Variants in POLA1 observed in about 807,000 individuals in gnomAD.
The protein encoded by POLA1 is DNA polymerase alpha 1, catalytic subunit.
POLA1 carries 15 observed loss-of-function variants against 124.0 expected under a neutral mutation model. The ratio of observed to expected loss-of-function variants is 0.12; its 90% CI spans 0.08 to 0.19. The LOEUF (loss-of-function observed/expected upper bound fraction) is 0.19. Ranked by LOEUF, POLA1 falls within the 10% of genes least tolerant of loss-of-function variation. The pLI is 1.00. For synonymous variants in POLA1, 408 were observed against 389.4 expected (o/e 1.05, Z -0.56); for missense variants, 886 against 1,103.4 (o/e 0.80, Z 2.79).
intron 34 of POLA1, among the ~76,000 whole-genome samples, chrX:24,844,459 A>G (rs756702488): frequency 9.3e-6 from 1 of 107,352 alleles, no homozygotes; most frequent in Non-Finnish European, 1.9e-5. Context: ...TTTAAAAGCT[A>G]CATTGGCAAC....
At chrX:24,808,769 G>C (rs1239731848) in intron 26 of POLA1, among the ~76,000 whole-genome samples, 2 of 112,194 alleles carry the variant, frequency 1.8e-5, no homozygotes, top group African/African-American at 6.5e-5. Flanking sequence ...GATTTACAAA[G>C]CTCTGTAATA....
intron 34 of POLA1, among the ~76,000 whole-genome samples, chrX:24,879,418 A>G (rs1353707181): frequency 8.9e-6 from 1 of 112,205 alleles, no homozygotes; most frequent in Non-Finnish European, 1.9e-5. Flanking sequence ...ATTTTCTGAA[A>G]AGATTTGTAA....
chrX:24,870,684 T>A (rs921113591), intron 34 of POLA1, among the ~76,000 whole-genome samples: 1 of 111,518 alleles, frequency 9.0e-6, no homozygotes, highest in African/African-American at 3.3e-5. Context: ...TAACAGCATC[T>A]CCTAAGCCCT....
chrX:24,815,038 A>T lies in POLA1; in HGVS notation c.3356A>T (p.Gln1119Leu). 1 of 1,200,229 alleles carries T rather than the reference A, an allele frequency of 8.3e-7. No homozygotes were observed. The highest frequency in any genetic ancestry group is 2.2e-5 in the Admixed American group (1 of 45,375). ...CGGGACACTATAGTGGAAAACATTC[A>T]GAAGAGGCTGATAGAAATTGGAGAA... ...QSRDTIVENI[Q>L]KRLIEIGENV... Residue 1119 changes from glutamine to leucine, a missense_variant, in exon 30 of 37, where the codon CAG becomes CTG. This residue lies in a region of POLA1 where 313 missense variants were observed against 359.7 expected (regional missense o/e 0.87). Transcript: ENST00000379068.
intron 12 of POLA1, among the ~76,000 whole-genome samples, chrX:24,725,191 C>CTTTTT (rs757657562): frequency 1.1e-5 from 1 of 89,022 alleles, no homozygotes; most frequent in Non-Finnish European, 2.2e-5. Flanking sequence ...TGAATGACTA[C>CTTTTT]TTTTTTTTTT....
At chrX:24,970,388 G>A (rs1441865330) in intron 36 of POLA1, among the ~76,000 whole-genome samples, 3 of 112,043 alleles carry the variant, frequency 2.7e-5, no homozygotes, top group Non-Finnish European at 5.6e-5. Context: ...CCTGGACATA[G>A]GAACAGGCAA....
At chrX:24,794,873 T>A (rs759429416) in intron 26 of POLA1, among the ~76,000 whole-genome samples, 4 of 111,052 alleles carry the variant, frequency 3.6e-5, no homozygotes, top group East Asian at 5.7e-4. Flanking sequence ...ATTTTTTTTT[T>A]TAAAAGTGTT....
At chrX:24,697,303 T>C (rs1928079259) in intron 1 of POLA1, among the ~76,000 whole-genome samples, 1 of 111,351 alleles carries the variant, frequency 9.0e-6, no homozygotes, top group African/African-American at 3.3e-5. Flanking sequence ...TTTGAAGACC[T>C]ACAGATGTCA....
chrX:24,963,361 C>G (rs1024422323), intron 36 of POLA1, among the ~76,000 whole-genome samples: 4 of 111,678 alleles, frequency 3.6e-5, no homozygotes, highest in Non-Finnish European at 7.5e-5. Flanking sequence ...TGTAAGTGAT[C>G]GTCTTAAAAG....
At chrX:24,863,750 C>A (rs1433298738) in intron 34 of POLA1, among the ~76,000 whole-genome samples, 4 of 111,284 alleles carry the variant, frequency 3.6e-5, no homozygotes, top group Non-Finnish European at 7.5e-5. Context: ...CAGTCTCTTG[C>A]TGGGCTCTCT....
At chrX:24,747,180 T>C (rs1221618078) in intron 24 of POLA1, among the ~76,000 whole-genome samples, 1 of 110,244 alleles carries the variant, frequency 9.1e-6, no homozygotes, top group Admixed American at 9.6e-5. Flanking sequence ...TCTTTTTTTT[T>C]TGGAGATGGA....
At chrX:24,863,259 C>CG (rs1556010619) in intron 34 of POLA1, among the ~76,000 whole-genome samples, 6 of 37,474 alleles carry the variant, frequency 1.6e-4, no homozygotes, top group African/African-American at 8.5e-4. Flanking sequence ...GAAGAGTATG[C>CG]CCCCCCCCAT....
At chrX:24,875,315 A>G (rs769248448) in intron 34 of POLA1, among the ~76,000 whole-genome samples, 13 of 111,838 alleles carry the variant, frequency 1.2e-4, no homozygotes, top group Non-Finnish European at 2.3e-4. Context: ...AAGATCTATC[A>G]TCAATTCTAT....
chrX:24,780,680 ATGAATACTTTATTTT>A (rs1392275029), intron 26 of POLA1, among the ~76,000 whole-genome samples: 1 of 112,080 alleles, frequency 8.9e-6, no homozygotes, highest in Admixed American at 9.5e-5. Flanking sequence ...GGTCATGTCT[ATGAATACTTTATTTT>A]TGGATTTTTA....
At chrX:24,981,854 A>G (rs2048423732) in intron 36 of POLA1, among the ~76,000 whole-genome samples, 1 of 112,329 alleles carries the variant, frequency 8.9e-6, no homozygotes, top group African/African-American at 3.2e-5. Context: ...ACAGACATAA[A>G]TATATATTTT....
chrX:24,935,479 T>C (rs1266431516), intron 36 of POLA1, among the ~76,000 whole-genome samples: 1 of 112,785 alleles, frequency 8.9e-6, no homozygotes, highest in Non-Finnish European at 1.9e-5. Flanking sequence ...CTAGATGGAC[T>C]ATTCTTCAGG....
rs181863836 is a variant in POLA1 at position 24,945,948 on chromosome X, C to T, written c.4261+15399C>T. On this transcript the variant is annotated intron_variant, in intron 36 of 36. Coordinates refer to ENST00000379068, the MANE Select transcript of POLA1 (RefSeq NM_001330360.2). ...GAAAAATAGGCTAGGGAAAAGTAAGCAAGAAGGAACTGTTTTCTGGTAATG... is the reference window on the plus strand; with the variant it reads ...GAAAAATAGGCTAGGGAAAAGTAAGTAAGAAGGAACTGTTTTCTGGTAATG... 3.3e-3 allele frequency among the ~76,000 whole-genome samples: 367 copies of T among 111,279 alleles called. 1 individual carries two copies. Among genetic ancestry groups the T allele is most frequent in the African/African-American group, 0.011 (331 of 30,721 alleles).
At chrX:24,725,779 A>G (rs1385825634) in intron 12 of POLA1, among the ~76,000 whole-genome samples, 4 of 112,156 alleles carry the variant, frequency 3.6e-5, no homozygotes, top group Non-Finnish European at 7.5e-5. Flanking sequence ...TGAGTTCTGT[A>G]GTGTCCAAGA....
At chrX:24,784,350 C>T (rs370257045) in intron 26 of POLA1, among the ~76,000 whole-genome samples, 45 of 110,873 alleles carry the variant, frequency 4.1e-4, no homozygotes, top group African/African-American at 1.4e-3. Flanking sequence ...TGTGCCTGGC[C>T]AAGATTTATA....
Sources: allele counts gnomAD v4.1 joint callset (sites outside exome capture counted in the v4.1 genomes callset), GRCh38; gene constraint gnomAD v4.1.1; regional missense constraint gnomAD v4.1.1; transcripts MANE v1.5; gene names NCBI Gene and HGNC (gene_info 2026-07-23, HGNC 2026-07-21).